PRKCH: variants seen among roughly 807,000 people sequenced by gnomAD.
PRKCH encodes protein kinase C eta type.
A neutral mutation model predicts 82.5 loss-of-function variants in PRKCH; 28 were observed. The observed-to-expected ratio is 0.34, with a 90% confidence interval of 0.25 to 0.47. The LOEUF is 0.47. PRKCH is among the 20% of genes least tolerant of loss of function. The pLI is 1.00. For missense variants in PRKCH, 705 were observed against 881.8 expected (o/e 0.80, Z 2.54); for synonymous variants, 322 against 327.4 (o/e 0.98, Z 0.18).
At chr14:61,539,842 T>A (rs936268026) in intron 12 of PRKCH, among the ~76,000 whole-genome samples, 1 of 152,248 alleles carries the variant, frequency 6.6e-6, no homozygotes, top group Non-Finnish European at 1.5e-5. Flanking sequence ...AGTCCGGCTC[T>A]GCTTCACGTG....
intron 10 of PRKCH, among the ~76,000 whole-genome samples, chr14:61,498,503 A>C (rs1886761914): frequency 6.6e-6 from 1 of 152,202 alleles, no homozygotes; most frequent in Non-Finnish European, 1.5e-5. Context: ...AGTACTGCTT[A>C]GTCTGCTGCC....
At chr14:61,374,378 G>A (rs1228926825) in intron 1 of PRKCH, among the ~76,000 whole-genome samples, 1 of 152,132 alleles carries the variant, frequency 6.6e-6, no homozygotes, top group Non-Finnish European at 1.5e-5. Context: ...TCTTCCCACA[G>A]CTCCACTAGG....
At chr14:61,431,505 C>A (rs371324265) in intron 2 of PRKCH, among the ~76,000 whole-genome samples, 1 of 152,208 alleles carries the variant, frequency 6.6e-6, no homozygotes, top group Non-Finnish European at 1.5e-5. Flanking sequence ...TCCTCTCTGG[C>A]CAAATTCTTT....
chr14:61,223,478 G>GCAACCCA (rs1239179295), intron 1 of PRKCH, among the ~76,000 whole-genome samples: 3 of 152,262 alleles, frequency 2.0e-5, no homozygotes, highest in African/African-American at 7.2e-5. Flanking sequence ...TCCACTGCCT[G>GCAACCCA]CAACCCACAA....
chr14:61,515,397 A>T (rs2042808909), intron 10 of PRKCH, among the ~76,000 whole-genome samples: 1 of 152,192 alleles, frequency 6.6e-6, no homozygotes, highest in Non-Finnish European at 1.5e-5. Context: ...AGAACCAGTC[A>T]CCTGTGGTGA....
At chr14:61,539,910 G>C (rs185911719) in intron 12 of PRKCH, among the ~76,000 whole-genome samples, 44 of 152,320 alleles carry the variant, frequency 2.9e-4, no homozygotes, top group African/African-American at 6.7e-4. Context: ...TAATGGTACT[G>C]AGTATTACAA....
intron 1 of PRKCH, among the ~76,000 whole-genome samples, chr14:61,200,859 A>G (rs1008054071): frequency 1.3e-5 from 2 of 152,206 alleles, no homozygotes; most frequent in Non-Finnish European, 2.9e-5. Context: ...AGGAGAAAAC[A>G]TAGTAAATGT....
chr14:61,430,477 T>G (rs1883330947), intron 2 of PRKCH, among the ~76,000 whole-genome samples: 1 of 152,154 alleles, frequency 6.6e-6, no homozygotes, highest in Non-Finnish European at 1.5e-5. Flanking sequence ...ATGAAGCATA[T>G]CTCTGTCAAT....
In PRKCH at chr14:61,476,642, C is replaced by A. The variant is rs150508941; in HGVS notation, c.1279-8860C>A. On this transcript the variant is annotated intron_variant, in intron 9 of 13. Transcript: ENST00000332981. ...ATTATGAGAGATGGCTATAATGCATCCAGATTACTAGGAAAACACTTGGTC... is the reference window on the plus strand; with the variant it reads ...ATTATGAGAGATGGCTATAATGCATACAGATTACTAGGAAAACACTTGGTC... 4.9e-4 allele frequency: 74 copies of A among 152,278 alleles called. 1 individual carries two copies. Among genetic ancestry groups the A allele is most frequent in the African/African-American group, 1.7e-3 (72 of 41,542 alleles). The allele number at this position is 152,278 out of a possible 1,614,324, so 9.4% of individuals were successfully genotyped here. A position where few individuals can be genotyped will look rare whatever the true frequency, so the allele number is the denominator to read the frequency against.
At chr14:61,313,873 T>C (rs2045542578) in intron 1 of PRKCH, among the ~76,000 whole-genome samples, 1 of 152,184 alleles carries the variant, frequency 6.6e-6, no homozygotes, top group African/African-American at 2.4e-5. Context: ...CTACAACACG[T>C]GGGAATTCAA....
chr14:61,457,319 G>C lies in PRKCH; in HGVS notation c.1104G>C (p.Lys368Asn). ...IRVLGKGSFGKVMLARVKETG... is the reference protein window; with the variant it reads ...IRVLGKGSFGNVMLARVKETG... ...TGTTGGGGAAGGGGAGTTTTGGGAA[G>C]GTGAGTCTTGGCTTTAACTGTTTGG... is the stretch of plus-strand genomic sequence containing the variant. The change falls in exon 8 of 14, where the codon AAG becomes AAC. Residue 368 changes from lysine to asparagine, a missense_variant and splice_region_variant. By Grantham distance (94) the Lys-to-Asn change is moderately conservative. Transcript: ENST00000332981. 6.2e-7 allele frequency: 1 copy of C among 1,613,996 alleles called. No individual in the cohort carries two copies. The highest frequency in any genetic ancestry group is 1.1e-5 in the South Asian group (1 of 91,054).
At chr14:61,295,345 A>C (rs914728259) in intron 1 of PRKCH, among the ~76,000 whole-genome samples, 1 of 152,210 alleles carries the variant, frequency 6.6e-6, no homozygotes, top group South Asian at 2.1e-4. Context: ...TGTTGCACAG[A>C]ATTACTGGAA....
chr14:61,439,813 G>A (rs191052376), intron 2 of PRKCH, among the ~76,000 whole-genome samples: 34 of 152,240 alleles, frequency 2.2e-4, no homozygotes, highest in African/African-American at 8.2e-4. Context: ...GAGTGAAGGT[G>A]GCAAGAAATG....
At chr14:61,427,351 C>T (rs1005421299) in intron 2 of PRKCH, among the ~76,000 whole-genome samples, 1 of 152,076 alleles carries the variant, frequency 6.6e-6, no homozygotes, top group African/African-American at 2.4e-5. Flanking sequence ...TAGGTGTCAG[C>T]CCTTAGAGAC....
At chr14:61,262,949 G>A (rs1024953339) in intron 1 of PRKCH, among the ~76,000 whole-genome samples, 6 of 152,134 alleles carry the variant, frequency 3.9e-5, no homozygotes, top group Non-Finnish European at 7.3e-5. Context: ...ATCTCATTTA[G>A]TCTTCTTTTT....
At chr14:61,297,519 A>C (rs2045415173) in intron 1 of PRKCH, among the ~76,000 whole-genome samples, 1 of 152,220 alleles carries the variant, frequency 6.6e-6, no homozygotes, top group Non-Finnish European at 1.5e-5. Flanking sequence ...TTTTGGCACT[A>C]GGAACTGGTT....
chr14:61,294,045 G>A (rs191769844), intron 1 of PRKCH, among the ~76,000 whole-genome samples: 1 of 152,320 alleles, frequency 6.6e-6, no homozygotes, highest in Non-Finnish European at 1.5e-5. Context: ...CCTCTCAGGT[G>A]GAACGCTCTC....
intron 7 of PRKCH, 126 bp downstream of exon 7, chr14:61,453,479 CCTTTCTTTCTTTCTTTCT>C (rs1884609868): frequency 1.1e-6 from 1 of 922,530 alleles, no homozygotes; most frequent in Non-Finnish European, 1.5e-6. Context: ...AGACTTATTG[CCTTTCTTTCTTTCTTTCT>C]CTTTCTTTCT....
chr14:61,482,541 C>T (rs1308877555), intron 9 of PRKCH, among the ~76,000 whole-genome samples: 2 of 152,200 alleles, frequency 1.3e-5, no homozygotes, highest in Admixed American at 1.3e-4. Flanking sequence ...TGGACCAGTA[C>T]TCTGCATTAA....
Sources: allele counts gnomAD v4.1 joint callset (sites outside exome capture counted in the v4.1 genomes callset), GRCh38; gene constraint gnomAD v4.1.1; transcripts MANE v1.5; gene names NCBI Gene and HGNC (gene_info 2026-07-23, HGNC 2026-07-21).